Variants in EEIG1 observed in about 807,000 individuals in gnomAD.
EEIG1 encodes estrogen-induced osteoclastogenesis regulator 1, also known as early estrogen-induced gene 1 protein.
the EEIG1 span, chr9:127,953,758 G>C: frequency 1.2e-5 from 20 of 1,613,842 alleles, no homozygotes; most frequent in Non-Finnish European, 1.6e-5. Context: ...ATGAGGGGAG[G>C]GGCCTATAGC....
At chr9:127,973,259 C>T in the EEIG1 span, among the ~76,000 whole-genome samples, 1 of 152,170 alleles carries the variant, frequency 6.6e-6, no homozygotes, top group Non-Finnish European at 1.5e-5. This position sits in a 1 kb window ranked among gnomAD's most constrained non-coding sequence, Gnocchi z 4.2. Context: ...GACATGCCAG[C>T]AGCCATCCCA....
At chr9:127,945,854 G>A in the EEIG1 span, 18 of 791,260 alleles carry the variant, frequency 2.3e-5, no homozygotes, top group South Asian at 2.8e-4. This position sits in a 1 kb window ranked among gnomAD's most constrained non-coding sequence, Gnocchi z 6.5. Flanking sequence ...CCCATGGCAG[G>A]GCGCCATTTA....
the EEIG1 span, chr9:127,945,853 G>A: frequency 1.3e-6 from 1 of 794,778 alleles, no homozygotes; most frequent in Non-Finnish European, 2.1e-6. This position sits in a 1 kb window ranked among gnomAD's most constrained non-coding sequence, Gnocchi z 6.5. Context: ...TCCCATGGCA[G>A]GGCGCCATTT....
the EEIG1 span, chr9:127,944,882 C>CCCCCCA: frequency 6.2e-7 from 1 of 1,612,116 alleles, no homozygotes; most frequent in Non-Finnish European, 8.5e-7. Context: ...TGGCTCTCCA[C>CCCCCCA]CGAGTCCTTC....
At chr9:127,956,431 A>G in the EEIG1 span, among the ~76,000 whole-genome samples, 4 of 152,200 alleles carry the variant, frequency 2.6e-5, no homozygotes, top group Non-Finnish European at 5.9e-5. Context: ...TTTTTTTGAG[A>G]TGGAGTTTCG....
At chr9:127,944,629 G>C in the EEIG1 span, 3 of 1,611,822 alleles carry the variant, frequency 1.9e-6, no homozygotes, top group Non-Finnish European at 2.5e-6. Context: ...TGGCAAGCTG[G>C]ATGCCGCTCA....
the EEIG1 span, among the ~76,000 whole-genome samples, chr9:127,964,365 T>G: frequency 6.6e-6 from 1 of 152,092 alleles, no homozygotes; most frequent in East Asian, 1.9e-4. Context: ...GCCCAGTAGG[T>G]GCAACAAGAA....
the EEIG1 span, among the ~76,000 whole-genome samples, chr9:127,968,003 G>GGTA: frequency 3.5e-4 from 42 of 118,808 alleles, 1 homozygote; most frequent in African/African-American, 1.3e-3. Context: ...TTTTTTTTGA[G>GGTA]GTAAGGGGTC....
At chr9:127,947,950 C>T in the EEIG1 span, 2 of 1,179,282 alleles carry the variant, frequency 1.7e-6, no homozygotes, top group Non-Finnish European at 2.4e-6. Context: ...CAGGAGCATG[C>T]AAACACCCTC....
At chr9:127,943,007 A>C in the EEIG1 span, 1 of 638,964 alleles carries the variant, frequency 1.6e-6, no homozygotes, top group African/African-American at 1.8e-5. Flanking sequence ...GTGGGCCAGG[A>C]GGGTCCCAGC....
chr9:127,942,366 A>C, the EEIG1 span: 1 of 152,510 alleles, frequency 6.6e-6, no homozygotes, highest in Admixed American at 6.5e-5. Context: ...TAACTGGAGG[A>C]AGAGGCAGCA....
At chr9:127,952,441 G>A in the EEIG1 span, among the ~76,000 whole-genome samples, 1 of 152,266 alleles carries the variant, frequency 6.6e-6, no homozygotes, top group Non-Finnish European at 1.5e-5. Context: ...GGAGAAGAGG[G>A]ATGGAAGGCA....
the EEIG1 span, chr9:127,948,313 C>T: frequency 1.2e-6 from 2 of 1,612,682 alleles, no homozygotes; most frequent in East Asian, 2.2e-5. Context: ...TTCCTCCACC[C>T]CTAGTGCCCG....
chr9:127,941,700 A>G, the EEIG1 span: 2 of 152,016 alleles, frequency 1.3e-5, no homozygotes, highest in African/African-American at 4.8e-5. Flanking sequence ...TGGGGAGGGC[A>G]CCTGCACCCC....
the EEIG1 span, chr9:127,943,095 G>A: frequency 8.9e-7 from 1 of 1,118,260 alleles, no homozygotes; most frequent in African/African-American, 1.5e-5. Flanking sequence ...ATGAGATGTG[G>A]CGCAGAGGTG....
chr9:127,944,656 G>A, the EEIG1 span: 11 of 1,612,488 alleles, frequency 6.8e-6, no homozygotes, highest in African/African-American at 4.0e-5. Context: ...CAGAGCCATC[G>A]CGGCTCACGA....
chr9:127,962,213 G>A, the EEIG1 span, among the ~76,000 whole-genome samples: 689 of 152,310 alleles, frequency 4.5e-3, 3 homozygotes, highest in African/African-American at 0.015. Flanking sequence ...ATATGTAAAT[G>A]CCCACAAGCA....
the EEIG1 span, among the ~76,000 whole-genome samples, chr9:127,979,028 A>G: frequency 1.3e-5 from 2 of 151,884 alleles, no homozygotes; most frequent in African/African-American, 4.8e-5. Context: ...CCAAAAAAGA[A>G]AAAAAAATAG....
chr9:127,944,515 C>G, the EEIG1 span: 2 of 838,006 alleles, frequency 2.4e-6, no homozygotes, highest in Non-Finnish European at 4.0e-6. Flanking sequence ...ACTGTGGCGA[C>G]AAGATTTGGC....
Sources: allele counts gnomAD v4.1 joint callset (sites outside exome capture counted in the v4.1 genomes callset), GRCh38; gene constraint gnomAD v4.1.1; non-coding constraint Gnocchi (gnomAD v3.1); transcripts MANE v1.5; gene names NCBI Gene and HGNC (gene_info 2026-07-23, HGNC 2026-07-21).